The following IL1RAPL1 variants were observed in gnomAD, a reference collection of about 807,000 sequenced individuals.
The protein encoded by IL1RAPL1 is interleukin-1 receptor accessory protein-like 1.
IL1RAPL1 carries 3 observed loss-of-function variants against 48.4 expected under a neutral mutation model. The observed-to-expected ratio is 0.06, with a 90% CI of 0.03 to 0.16. The LOEUF (loss-of-function observed/expected upper bound fraction) is 0.16. IL1RAPL1 is among the 10% of genes least tolerant of loss of function. IL1RAPL1 has a pLI of 1.00. For synonymous variants in IL1RAPL1, 185 were observed against 187.7 expected (o/e 0.99, Z 0.12); for missense variants, 349 against 530.6 (o/e 0.66, Z 3.36).
At chrX:29,449,772 C>CAGAG (rs1373203283) in intron 5 of IL1RAPL1, among the ~76,000 whole-genome samples, 1 of 74,320 alleles carries the variant, frequency 1.3e-5, no homozygotes, top group African/African-American at 6.9e-5. Flanking sequence ...CACACACACA[C>CAGAG]ACACACACAG....
rs869274263 is a variant in IL1RAPL1, at chrX:29,230,529, A to AAAAAAAAAAAAAAAAC, written c.83-52403_83-52402insAAAAAAAAACAAAAAA. Among the ~76,000 whole-genome samples the AAAAAAAAAAAAAAAAC allele has an allele frequency of 5.5e-4, 54 of 98,638 alleles. 1 individual carries two copies. Among genetic ancestry groups the AAAAAAAAAAAAAAAAC allele is most frequent in the African/African-American group, 2.0e-3 (53 of 26,352 alleles). 85.7% of individuals were successfully genotyped at this position (98,638 alleles called of 115,157 possible). On this transcript the variant is annotated intron_variant, in intron 2 of 10. Transcript: ENST00000378993. ...CAAAAAAAAAAAAAAAAAAAAAAAA[A>AAAAAAAAAAAAAAAAC]AAAAAACCTTGTTGTCTCTCAGGCA...
At chrX:29,773,409 T>C (rs904975962) in intron 6 of IL1RAPL1, among the ~76,000 whole-genome samples, 3 of 112,469 alleles carry the variant, frequency 2.7e-5, no homozygotes, top group Admixed American at 9.5e-5. Context: ...GTTTATATAG[T>C]GAGGATCTTT....
chrX:29,109,065 T>C (rs1473949126), intron 2 of IL1RAPL1, among the ~76,000 whole-genome samples: 1 of 111,514 alleles, frequency 9.0e-6, no homozygotes, highest in Admixed American at 9.5e-5. Flanking sequence ...ATGAATTGCA[T>C]TTAGTTTAAA....
chrX:29,572,979 T>G (rs1922642756), intron 5 of IL1RAPL1, among the ~76,000 whole-genome samples: 1 of 112,416 alleles, frequency 8.9e-6, no homozygotes, highest in Admixed American at 9.4e-5. Context: ...TACTTTAGAC[T>G]TGTAATTTAC....
intron 3 of IL1RAPL1, among the ~76,000 whole-genome samples, chrX:29,331,526 G>A (rs1932885489): frequency 9.0e-6 from 1 of 111,635 alleles, no homozygotes. Flanking sequence ...TCCTTCCTCT[G>A]CACTTTCCTA....
At chrX:29,341,839 C>G (rs760247546) in intron 3 of IL1RAPL1, among the ~76,000 whole-genome samples, 2 of 111,265 alleles carry the variant, frequency 1.8e-5, no homozygotes, top group Non-Finnish European at 3.8e-5. Context: ...CAGAGTCTCA[C>G]TCTCTCACCC....
At chrX:28,830,276 T>C (rs766964872) in intron 2 of IL1RAPL1, among the ~76,000 whole-genome samples, 1 of 112,031 alleles carries the variant, frequency 8.9e-6, no homozygotes, top group South Asian at 3.7e-4. Context: ...TTAAATTTTA[T>C]TTGTGTCAAG....
rs533980359 is a variant in IL1RAPL1, at chrX:28,618,941, C to A, written c.-25+30894C>A. On this transcript the variant is annotated intron_variant, in intron 1 of 10. Transcript: ENST00000378993. ...CAAGAATGTAATCCTGCTGGCTGCA[C>A]CTTCTTTTCCTCACAGGGAATTCCA... Among the ~76,000 whole-genome samples, 3 of 111,337 alleles carry A rather than the reference C, an allele frequency of 2.7e-5. No individual in the cohort carries two copies. In the East Asian group the frequency reaches 8.6e-4, roughly 32 times the overall value.
chrX:29,356,115 T>G, intron 3 of IL1RAPL1, among the ~76,000 whole-genome samples: 1 of 111,644 alleles, frequency 9.0e-6, no homozygotes, highest in Non-Finnish European at 1.9e-5. Context: ...TTGTTTATTT[T>G]ATGTATATAT....
intron 2 of IL1RAPL1, among the ~76,000 whole-genome samples, chrX:28,929,451 G>A (rs1923825827): frequency 9.0e-6 from 1 of 111,683 alleles, no homozygotes; most frequent in Non-Finnish European, 1.9e-5. Context: ...AGTCACCAGG[G>A]TAGTAGCAAA....
chrX:29,732,716 C>A (rs1927951805), intron 6 of IL1RAPL1, among the ~76,000 whole-genome samples: 1 of 111,695 alleles, frequency 9.0e-6, no homozygotes, highest in Admixed American at 9.5e-5. Flanking sequence ...TTTATGAATA[C>A]TTTTTGGAGA....
At position 29,410,434 on chromosome X, in the gene IL1RAPL1, C is replaced by A. The variant is rs754006647; in HGVS notation, c.703+11126C>A. 3.3e-3 allele frequency among the ~76,000 whole-genome samples: 356 copies of A among 107,746 alleles called. 5 individuals are homozygous for A. The highest frequency in any genetic ancestry group is 0.012 in the African/African-American group (338 of 29,167). The allele number at this position is 107,746 out of a possible 115,157, so 93.6% of individuals were successfully genotyped here. On this transcript the variant is annotated intron_variant, in intron 5 of 10. Transcript: ENST00000378993. ...CGAGATCACACCACTGCACTCTAGC[C>A]TGGGCAACAGAGCAAGACTCTGTGT...
intron 6 of IL1RAPL1, among the ~76,000 whole-genome samples, chrX:29,858,314 G>T (rs1931515031): frequency 9.0e-6 from 1 of 111,572 alleles, no homozygotes; most frequent in African/African-American, 3.3e-5. Context: ...CATATCCGTT[G>T]CTTGATTATA....
At chrX:28,649,094 A>G (rs754107847) in intron 1 of IL1RAPL1, among the ~76,000 whole-genome samples, 1 of 112,143 alleles carries the variant, frequency 8.9e-6, no homozygotes, top group Non-Finnish European at 1.9e-5. Context: ...TGGCACAAAC[A>G]TTGCTTAGCA....
chrX:28,618,557 T>C (rs777308863), intron 1 of IL1RAPL1, among the ~76,000 whole-genome samples: 1 of 112,309 alleles, frequency 8.9e-6, no homozygotes, highest in Non-Finnish European at 1.9e-5. Flanking sequence ...TTTGGTTTAA[T>C]TGTACTTTCT....
intron 2 of IL1RAPL1, among the ~76,000 whole-genome samples, chrX:28,908,384 G>A (rs2147330468): frequency 9.0e-6 from 1 of 111,027 alleles, no homozygotes; most frequent in African/African-American, 3.3e-5. Context: ...ATAAGTTTTG[G>A]TCAGTTGTAT....
chrX:29,659,710 C>T (rs1018171263), intron 5 of IL1RAPL1, among the ~76,000 whole-genome samples: 5 of 111,566 alleles, frequency 4.5e-5, no homozygotes, highest in African/African-American at 1.3e-4. Context: ...CTGCAACCTC[C>T]GCCTTCCGGG....
At chrX:29,812,491 C>A (rs1316789213) in intron 6 of IL1RAPL1, among the ~76,000 whole-genome samples, 2 of 110,939 alleles carry the variant, frequency 1.8e-5, no homozygotes, top group Non-Finnish European at 3.8e-5. Context: ...TTGTTCAGAA[C>A]GGCTGAGAGT....
intron 6 of IL1RAPL1, among the ~76,000 whole-genome samples, chrX:29,736,556 T>A (rs778675309): frequency 3.0e-4 from 34 of 111,817 alleles, no homozygotes; most frequent in Admixed American, 2.8e-3. Context: ...TGAAACCCCA[T>A]GTCTACTAAG....
Sources: gnomAD v4.1 joint callset for allele counts (sites outside exome capture counted in the v4.1 genomes callset) on GRCh38, gnomAD v4.1.1 for gene constraint, MANE v1.5 for transcripts, NCBI Gene and HGNC (gene_info 2026-07-23, HGNC 2026-07-21) for gene names.